ASIP: variants seen among roughly 807,000 people sequenced by gnomAD.
The protein encoded by ASIP is agouti-signaling protein.
Under a neutral mutation model 10.3 loss-of-function variants are expected in ASIP, and 11 were observed. That is an observed-to-expected ratio of 1.07 (90% CI 0.68 to 1.78). The LOEUF (loss-of-function observed/expected upper bound fraction) is 1.78. ASIP is among the 40% of genes most tolerant of loss of function. ASIP has a pLI of 0.00. For missense variants in ASIP, 180 were observed against 169.2 expected (o/e 1.06, Z -0.35); for synonymous variants, 70 against 70.8 (o/e 0.99, Z 0.06).
At chr20:34,200,441 A>ATGACAG (rs1425722304) in intron 1 of ASIP, among the ~76,000 whole-genome samples, 1 of 152,268 alleles carries the variant, frequency 6.6e-6, no homozygotes, top group African/African-American at 2.4e-5. Flanking sequence ...TGATAATCAA[A>ATGACAG]TGACAGTGCA....
chr20:34,212,765 G>A (rs1211121608), intron 1 of ASIP, among the ~76,000 whole-genome samples: 2 of 152,072 alleles, frequency 1.3e-5, no homozygotes, highest in Non-Finnish European at 2.9e-5. Context: ...ACCTGCCCTT[G>A]TTAATTTTGA....
chr20:34,217,805 G>A (rs2035019828), intron 1 of ASIP, among the ~76,000 whole-genome samples: 1 of 152,130 alleles, frequency 6.6e-6, no homozygotes, highest in South Asian at 2.1e-4. Context: ...CTCGTGATCC[G>A]CCCGCCTCGG....
At chr20:34,188,082 C>T in the ASIP span, among the ~76,000 whole-genome samples, 3 of 152,176 alleles carry the variant, frequency 2.0e-5, no homozygotes, top group African/African-American at 7.2e-5. Context: ...CTATTCAGAT[C>T]GACTTGTTCT....
chr20:34,266,299 G>A (rs1416858147), intron 3 of ASIP, among the ~76,000 whole-genome samples: 1 of 151,128 alleles, frequency 6.6e-6, no homozygotes, highest in Non-Finnish European at 1.5e-5. Context: ...ACAGTGAGCC[G>A]AGACCGTGCC....
At chr20:34,239,319 C>A (rs542202816), upstream of ASIP, among the ~76,000 whole-genome samples, 226 of 152,056 alleles carry the variant, frequency 1.5e-3, no homozygotes, top group African/African-American at 5.3e-3. Context: ...CAGGTTCAAG[C>A]GATTCTCCTG....
upstream of ASIP, among the ~76,000 whole-genome samples, chr20:34,190,852 C>A (rs915353043): frequency 6.6e-6 from 1 of 152,244 alleles, no homozygotes; most frequent in Non-Finnish European, 1.5e-5. Flanking sequence ...CCCAGTCCTG[C>A]ATGCAACTTC....
At chr20:34,267,361 C>T (rs2035802700) in intron 3 of ASIP, among the ~76,000 whole-genome samples, 1 of 148,666 alleles carries the variant, frequency 6.7e-6, no homozygotes, top group African/African-American at 2.5e-5. Context: ...TAACCTAGAG[C>T]AGCAGCGTCC....
chr20:34,205,317 T>C (rs1301410206), intron 1 of ASIP, among the ~76,000 whole-genome samples: 2 of 152,124 alleles, frequency 1.3e-5, no homozygotes, highest in Non-Finnish European at 1.5e-5. Flanking sequence ...CCCAATGGGT[T>C]TGTGGTCTCA....
chr20:34,189,818 C>G (rs8122938), upstream of ASIP, among the ~76,000 whole-genome samples: 18,496 of 152,046 alleles, frequency 0.12, 3,847 homozygotes, highest in African/African-American at 0.42. Context: ...TTCATGTCTC[C>G]CACCAACCCC....
chr20:34,266,546 G>A (rs752124075), intron 3 of ASIP, among the ~76,000 whole-genome samples: 15 of 151,890 alleles, frequency 9.9e-5, no homozygotes, highest in Middle Eastern at 3.4e-3. Flanking sequence ...GGTGGTGCAC[G>A]CCTGTAATCC....
At chr20:34,244,741 T>A (rs2035341356) in intron 1 of ASIP, among the ~76,000 whole-genome samples, 1 of 152,212 alleles carries the variant, frequency 6.6e-6, no homozygotes, top group South Asian at 2.1e-4. Context: ...CATTCATGGT[T>A]TTAAGGCTTT....
intron 1 of ASIP, among the ~76,000 whole-genome samples, chr20:34,234,297 G>A (rs1453467563): frequency 6.6e-6 from 1 of 152,130 alleles, no homozygotes; most frequent in Admixed American, 6.6e-5. Flanking sequence ...CTAAGTAGCA[G>A]ACAAGACCAC....
chr20:34,218,742 A>G (rs559652159), intron 1 of ASIP, among the ~76,000 whole-genome samples: 155 of 151,776 alleles, frequency 1.0e-3, no homozygotes, highest in Admixed American at 1.2e-3. Flanking sequence ...TGCTCACTGC[A>G]AGCTCCACCC....
chr20:34,220,731 C>T (rs781040141), intron 1 of ASIP, among the ~76,000 whole-genome samples: 1 of 152,092 alleles, frequency 6.6e-6, no homozygotes, highest in Non-Finnish European at 1.5e-5. Context: ...ATTCATTTGA[C>T]ATGCTTAGCA....
At chr20:34,197,847 CT>C (rs1279955883) in intron 1 of ASIP, among the ~76,000 whole-genome samples, 1 of 152,134 alleles carries the variant, frequency 6.6e-6, no homozygotes, top group Non-Finnish European at 1.5e-5. Flanking sequence ...CTGCGTATAA[CT>C]ACCTGTGAGA....
chr20:34,196,713 G>A (rs995539366), intron 1 of ASIP, among the ~76,000 whole-genome samples: 5 of 152,162 alleles, frequency 3.3e-5, no homozygotes, highest in African/African-American at 9.7e-5. Flanking sequence ...CTGCGTAGCC[G>A]GTTCTGAGGG....
intron 1 of ASIP, among the ~76,000 whole-genome samples, chr20:34,198,056 A>ATT (rs35269112): frequency 2.0e-4 from 26 of 132,346 alleles, no homozygotes; most frequent in Non-Finnish European, 2.5e-4. Context: ...TGATTGCTTA[A>ATT]TTTTTTTTTT....
intron 1 of ASIP, among the ~76,000 whole-genome samples, chr20:34,205,361 G>GT (rs1196147796): frequency 6.6e-6 from 1 of 152,026 alleles, no homozygotes; most frequent in African/African-American, 2.4e-5. Context: ...GACCTTCGTG[G>GT]TGAGTGTTAC....
chr20:34,203,175 A>G (rs934483057), intron 1 of ASIP, among the ~76,000 whole-genome samples: 1 of 152,024 alleles, frequency 6.6e-6, no homozygotes, highest in Admixed American at 6.6e-5. Flanking sequence ...CCCTGCTGGA[A>G]TTTTTATTGG....
Sources: gnomAD v4.1 joint callset for allele counts (sites outside exome capture counted in the v4.1 genomes callset) on GRCh38, gnomAD v4.1.1 for gene constraint, MANE v1.5 for transcripts, NCBI Gene and HGNC (gene_info 2026-07-23, HGNC 2026-07-21) for gene names.